Variants in TXK observed in about 807,000 individuals in gnomAD.
TXK encodes TXK tyrosine kinase.
TXK carries 60 observed loss-of-function variants against 81.0 expected under a neutral mutation model. The observed-to-expected ratio is 0.74, with a 90% CI of 0.60 to 0.92. The LOEUF (loss-of-function observed/expected upper bound fraction) is 0.92, where lower values mean the gene tolerates loss of function less well. Among genes scored for constraint, TXK ranks in the 40% least tolerant of loss-of-function variants. TXK has a pLI of 0.00. For synonymous variants in TXK, 203 were observed against 210.7 expected, an observed-to-expected ratio of 0.96 and a Z score of 0.32; for missense variants, 581 against 638.3, an observed-to-expected ratio of 0.91 and a Z score of 0.97.
chr4:48,105,808 T>C (rs959613001), intron 5 of TXK, among the ~76,000 whole-genome samples: 1 of 152,188 alleles, frequency 6.6e-6, no homozygotes, highest in Non-Finnish European at 1.5e-5. Flanking sequence ...TTCAGTCTCA[T>C]TGGAATTATT....
intron 1 of TXK, among the ~76,000 whole-genome samples, chr4:48,119,135 A>C (rs1162912359): frequency 6.6e-6 from 1 of 152,192 alleles, no homozygotes; most frequent in African/African-American, 2.4e-5. Flanking sequence ...GTATAATCCA[A>C]CCAGAACCCA....
At chr4:48,076,921 G>C (rs1275840927) in intron 11 of TXK, among the ~76,000 whole-genome samples, 2 of 152,258 alleles carry the variant, frequency 1.3e-5, no homozygotes, top group Non-Finnish European at 2.9e-5. Flanking sequence ...AAGCCACCAT[G>C]CCCAGGCTGC....
chr4:48,071,956 C>CTTTTTTTTTTTT (rs33963487), intron 13 of TXK, among the ~76,000 whole-genome samples: 1 of 137,688 alleles, frequency 7.3e-6, no homozygotes, highest in African/African-American at 2.7e-5. Context: ...ATTTTCTTTT[C>CTTTTTTTTTTTT]TTTTTTTTTT....
chr4:48,104,832 T>C, intron 6 of TXK, 69 bp downstream of exon 6: 3 of 1,175,732 alleles, frequency 2.6e-6, no homozygotes, highest in Non-Finnish European at 3.7e-6. Context: ...ATATACTTTT[T>C]TAGTTGGTTA....
chr4:48,119,915 T>A (rs1467174835), intron 1 of TXK, among the ~76,000 whole-genome samples: 5 of 152,124 alleles, frequency 3.3e-5, no homozygotes. Context: ...AAACCAAATG[T>A]AGGTTACATA....
At chr4:48,110,667 A>C in intron 4 of TXK, 64 bp from the exon 5 acceptor site, 1 of 1,221,438 alleles carries the variant, frequency 8.2e-7, no homozygotes, top group Non-Finnish European at 1.2e-6. Flanking sequence ...TCATGGCAAC[A>C]ATCCTTTTAA....
intron 4 of TXK, among the ~76,000 whole-genome samples, chr4:48,111,667 T>A (rs754278619): frequency 1.3e-5 from 2 of 152,202 alleles, no homozygotes; most frequent in Non-Finnish European, 2.9e-5. Flanking sequence ...GTAATTTACA[T>A]GCTTATAATA....
chr4:48,101,169 T>C (rs976179724), intron 6 of TXK, among the ~76,000 whole-genome samples: 3 of 152,098 alleles, frequency 2.0e-5, no homozygotes, highest in Admixed American at 6.5e-5. Flanking sequence ...ATAAAAATTA[T>C]AGGATATTGC....
Position 48,106,548 on chromosome 4 carries a change from G to C in TXK, c.447-1593C>G, listed in dbSNP as rs191405824. 2.2e-4 allele frequency among the ~76,000 whole-genome samples: 33 copies of C among 152,212 alleles called. 1 individual carries two copies. In the East Asian group the frequency reaches 4.4e-3, roughly 20 times the overall value. On this transcript the variant is annotated intron_variant, in intron 5 of 14. Transcript: ENST00000264316. Reference sequence around the variant, plus strand: ...AAATCCAGCACGTCCAGCTATGGGTGAGTAGAAACATCCTGTATGTTATGT... The same window carrying C: ...AAATCCAGCACGTCCAGCTATGGGTCAGTAGAAACATCCTGTATGTTATGT...
At chr4:48,124,095 G>A (rs556201855) in intron 1 of TXK, among the ~76,000 whole-genome samples, 41 of 152,216 alleles carry the variant, frequency 2.7e-4, no homozygotes, top group Admixed American at 2.0e-3. Flanking sequence ...ACCTGAGATC[G>A]TCATTTAAGT....
At chr4:48,115,830 T>C (rs1422568666) in intron 1 of TXK, among the ~76,000 whole-genome samples, 1 of 152,058 alleles carries the variant, frequency 6.6e-6, no homozygotes, top group Non-Finnish European at 1.5e-5. Flanking sequence ...ACTCCAGCCC[T>C]GGTGACAGAG....
intron 5 of TXK, chr4:48,109,368 T>C (rs536907857): frequency 6.6e-6 from 1 of 152,214 alleles, no homozygotes; most frequent in South Asian, 2.1e-4. Flanking sequence ...GCTAATCTTC[T>C]CTGTATCATT....
chr4:48,077,971 T>C (rs899404883), intron 11 of TXK, among the ~76,000 whole-genome samples: 1 of 152,304 alleles, frequency 6.6e-6, no homozygotes, highest in South Asian at 2.1e-4. Flanking sequence ...CAACTTCACA[T>C]GAGGCTCATC....
At chr4:48,075,368 G>A (rs979818912) in intron 12 of TXK, among the ~76,000 whole-genome samples, 1 of 152,030 alleles carries the variant, frequency 6.6e-6, no homozygotes, top group Admixed American at 6.6e-5. Flanking sequence ...CATAAAGAAC[G>A]CCGGCCAGGT....
intron 9 of TXK, among the ~76,000 whole-genome samples, chr4:48,087,819 C>G (rs1279346662): frequency 1.3e-5 from 2 of 151,956 alleles, no homozygotes; most frequent in Admixed American, 1.3e-4. Flanking sequence ...AATATAACCA[C>G]AAAGAAAAAT....
At position 48,089,615 on chromosome 4, in the gene TXK, C is replaced by T. The variant is rs975199044; in HGVS notation, c.784+135G>A. 1.6e-5 allele frequency: 10 copies of T among 616,638 alleles called. No homozygotes were observed. In the East Asian group the frequency reaches 2.2e-4, roughly 13 times the overall value. The allele number at this position is 616,638 out of a possible 1,614,324, so 38.2% of individuals were successfully genotyped here. On this transcript the variant is annotated intron_variant, in intron 9 of 14. Coordinates refer to ENST00000264316, the MANE Select transcript of TXK (RefSeq NM_003328.3). Reference sequence around the variant, plus strand: ...CCATTTTGGCCAGGGTGGTCTTGAACGCCTGACCTAAGGTGATCCACCCAC... The same window carrying T: ...CCATTTTGGCCAGGGTGGTCTTGAATGCCTGACCTAAGGTGATCCACCCAC...
intron 8 of TXK, 97 bp from the exon 9 acceptor site, chr4:48,089,921 G>T (rs185614559): frequency 3.6e-6 from 3 of 837,822 alleles, no homozygotes; most frequent in East Asian, 2.9e-5. Flanking sequence ...TAAATAATTA[G>T]ACAAACAAAA....
At chr4:48,129,178 G>A (rs1719175890) in intron 1 of TXK, among the ~76,000 whole-genome samples, 1 of 152,124 alleles carries the variant, frequency 6.6e-6, no homozygotes, top group South Asian at 2.1e-4. Context: ...TTATACATTT[G>A]GGGTCTGAAG....
At chr4:48,105,116 A>G (rs919968240) in intron 5 of TXK, among the ~76,000 whole-genome samples, 161 bp from the exon 6 acceptor site, 1 of 152,150 alleles carries the variant, frequency 6.6e-6, no homozygotes, top group African/African-American at 2.4e-5. Flanking sequence ...TTGTGGGTTA[A>G]TTAAGTTTAA....
Sources: gnomAD v4.1 joint callset for allele counts (sites outside exome capture counted in the v4.1 genomes callset) on GRCh38, gnomAD v4.1.1 for gene constraint, MANE v1.5 for transcripts, NCBI Gene and HGNC (gene_info 2026-07-23, HGNC 2026-07-21) for gene names.